The following IL1RAPL2 variants were observed in gnomAD, a reference collection of about 807,000 sequenced individuals.
IL1RAPL2 encodes X-linked interleukin-1 receptor accessory protein-like 2.
IL1RAPL2 carries 3 observed loss-of-function variants against 44.1 expected under a neutral mutation model. The ratio of observed to expected loss-of-function variants is 0.07; its 90% CI spans 0.03 to 0.18. The LOEUF (loss-of-function observed/expected upper bound fraction) is 0.18, where lower values mean the gene tolerates loss of function less well. Among genes scored for constraint, IL1RAPL2 ranks in the 10% least tolerant of loss-of-function variants. The pLI is 1.00. For missense variants in IL1RAPL2, 391 were observed against 496.4 expected (o/e 0.79, Z 2.02); for synonymous variants, 181 against 178.8 (o/e 1.01, Z -0.10).
At chrX:105,076,574 C>A (rs925756182) in intron 2 of IL1RAPL2, among the ~76,000 whole-genome samples, 6 of 111,040 alleles carry the variant, frequency 5.4e-5, no homozygotes, top group African/African-American at 2.0e-4. Context: ...TGGTGCAGAG[C>A]TGAGTTCAAC....
At chrX:105,687,907 G>T (rs1161891088) in intron 6 of IL1RAPL2, among the ~76,000 whole-genome samples, 4 of 111,533 alleles carry the variant, frequency 3.6e-5, no homozygotes, top group Non-Finnish European at 5.6e-5. Context: ...GGGATGCAAG[G>T]CTGGTTCAAC....
intron 6 of IL1RAPL2, among the ~76,000 whole-genome samples, chrX:105,514,519 A>G (rs1332568808): frequency 1.8e-5 from 2 of 112,852 alleles, no homozygotes; most frequent in Non-Finnish European, 3.7e-5. Context: ...TATATGTGGT[A>G]GAATACTTTG....
intron 2 of IL1RAPL2, among the ~76,000 whole-genome samples, chrX:105,112,750 A>G (rs746492805): frequency 1.8e-5 from 2 of 113,121 alleles, no homozygotes; most frequent in East Asian, 5.6e-4. Flanking sequence ...CACTGCACAC[A>G]TGTGCGAATG....
At position 105,479,095 on chromosome X, in the gene IL1RAPL2, A is replaced by C. The variant is rs748836582; in HGVS notation, c.698-5218A>C. ...AGGCTTTCTGGAGGATTCAAGACTT[A>C]AACAAGTTTTTGGAGGATAGCTAGG... is the stretch of plus-strand genomic sequence containing the variant. On this transcript the variant is annotated intron_variant, in intron 5 of 10. Coordinates refer to ENST00000372582, the MANE Select transcript of IL1RAPL2 (RefSeq NM_017416.2). Among the ~76,000 whole-genome samples the C allele has an allele frequency of 1.4e-4, 16 of 111,570 alleles. No individual in the cohort carries two copies. In the East Asian group the frequency reaches 4.0e-3, roughly 28 times the overall value.
Position 104,695,368 on chromosome X carries a change from AGAGC to A in IL1RAPL2, c.82+36378_82+36381del, listed in dbSNP as rs1450981673. 1.4e-3 allele frequency among the ~76,000 whole-genome samples: 157 copies of A among 111,690 alleles called. 1 individual carries two copies. Among genetic ancestry groups the A allele is most frequent in the African/African-American group, 4.7e-3 (145 of 30,735 alleles). Reference sequence around the variant, plus strand: ...GAGAGAAAGAGAGAGAGAGAGAGAGAGAGCGAGCACGAGAGCACATGACATTCCT... The same window carrying A: ...GAGAGAAAGAGAGAGAGAGAGAGAGAGAGCACGAGAGCACATGACATTCCT... On this transcript the variant is annotated intron_variant, in intron 2 of 10. Transcript: ENST00000372582.
chrX:105,495,964 G>A (rs2036354107), intron 6 of IL1RAPL2, among the ~76,000 whole-genome samples: 1 of 111,405 alleles, frequency 9.0e-6, no homozygotes, highest in South Asian at 3.8e-4. Flanking sequence ...AAGCTGACCA[G>A]CATTTAACAT....
At chrX:104,693,427 A>G (rs1931127377) in intron 2 of IL1RAPL2, among the ~76,000 whole-genome samples, 1 of 111,747 alleles carries the variant, frequency 8.9e-6, no homozygotes, top group Admixed American at 9.5e-5. Flanking sequence ...TTATCTGTAG[A>G]GGATCTTAAA....
At chrX:105,033,178 A>G (rs762867117) in intron 2 of IL1RAPL2, among the ~76,000 whole-genome samples, 12 of 111,434 alleles carry the variant, frequency 1.1e-4, no homozygotes, top group East Asian at 8.5e-4. Context: ...TCTTTATCCA[A>G]TTTGCCAGTC....
chrX:105,217,236 T>A (rs2033869558), intron 3 of IL1RAPL2, among the ~76,000 whole-genome samples: 1 of 109,892 alleles, frequency 9.1e-6, no homozygotes, highest in African/African-American at 3.4e-5. Flanking sequence ...GAATCTACAA[T>A]GAACTCCAAC....
chrX:105,185,181 A>C (rs1436863737), intron 2 of IL1RAPL2, among the ~76,000 whole-genome samples: 2 of 111,816 alleles, frequency 1.8e-5, no homozygotes, highest in African/African-American at 3.2e-5. Flanking sequence ...ACTTGAAATA[A>C]ATAGTGGTTA....
At chrX:105,424,441 A>G (rs1328141712) in intron 5 of IL1RAPL2, among the ~76,000 whole-genome samples, 2 of 110,743 alleles carry the variant, frequency 1.8e-5, no homozygotes, top group East Asian at 2.9e-4. Context: ...GACTTTGAAT[A>G]GAATGGGAGG....
At chrX:104,893,995 C>T (rs904715913) in intron 2 of IL1RAPL2, among the ~76,000 whole-genome samples, 1 of 111,507 alleles carries the variant, frequency 9.0e-6, no homozygotes, top group African/African-American at 3.3e-5. Context: ...GTTATAAAAT[C>T]TCTCAGCATT....
intron 1 of IL1RAPL2, among the ~76,000 whole-genome samples, chrX:104,585,286 A>AATATATAATAT (rs376947977): frequency 4.5e-5 from 1 of 22,198 alleles, no homozygotes; most frequent in Non-Finnish European, 6.5e-5. Flanking sequence ...TATATTATAT[A>AATATATAATAT]ATATATTATA....
chrX:105,574,362 A>C (rs184443425), intron 6 of IL1RAPL2, among the ~76,000 whole-genome samples: 11 of 111,461 alleles, frequency 9.9e-5, no homozygotes, highest in African/African-American at 3.6e-4. Context: ...GGGAATCTGC[A>C]GGGGAGAGGA....
intron 2 of IL1RAPL2, among the ~76,000 whole-genome samples, chrX:104,762,031 T>C (rs368987219): frequency 1.1e-4 from 11 of 104,724 alleles, no homozygotes; most frequent in African/African-American, 3.1e-4. Context: ...AGAGTCTCAC[T>C]CTGTCACCCA....
chrX:105,403,591 T>C (rs1245774322), intron 5 of IL1RAPL2, among the ~76,000 whole-genome samples: 1 of 111,388 alleles, frequency 9.0e-6, no homozygotes, highest in Non-Finnish European at 1.9e-5. Context: ...AACAAAAACA[T>C]TAGGTAACTC....
chrX:104,926,229 C>G (rs765595109), intron 2 of IL1RAPL2, among the ~76,000 whole-genome samples: 1 of 112,031 alleles, frequency 8.9e-6, no homozygotes, highest in East Asian at 2.8e-4. Flanking sequence ...ATGTCTGAAG[C>G]AAACCTGCAA....
intron 1 of IL1RAPL2, among the ~76,000 whole-genome samples, chrX:104,607,478 A>C (rs1929041526): frequency 8.9e-6 from 1 of 112,286 alleles, no homozygotes; most frequent in African/African-American, 3.2e-5. Flanking sequence ...AAAATTTTGC[A>C]ATCTATACAT....
intron 2 of IL1RAPL2, among the ~76,000 whole-genome samples, chrX:105,017,277 A>G (rs1299605219): frequency 9.0e-6 from 1 of 110,985 alleles, no homozygotes; most frequent in Admixed American, 9.6e-5. Context: ...TGATTTTTGG[A>G]AAGATTTTTG....
Sources: gnomAD v4.1 joint callset for allele counts (sites outside exome capture counted in the v4.1 genomes callset) on GRCh38, gnomAD v4.1.1 for gene constraint, MANE v1.5 for transcripts, NCBI Gene and HGNC (gene_info 2026-07-23, HGNC 2026-07-21) for gene names.